The following WASHC4 variants were observed in gnomAD, a reference collection of about 807,000 sequenced individuals.
WASHC4 encodes the protein WASH complex subunit 7.
A neutral mutation model predicts 166.6 loss-of-function variants in WASHC4; 86 were observed. The observed-to-expected ratio is 0.52, with a 90% CI of 0.43 to 0.62. The LOEUF (loss-of-function observed/expected upper bound fraction) is 0.62, where lower values mean the gene tolerates loss of function less well. Among genes scored for constraint, WASHC4 ranks in the 20% least tolerant of loss-of-function variants. The probability of loss-of-function intolerance (pLI) is 0.00; values close to 1 mark genes in which losing one functional copy is unlikely to be tolerated. For synonymous variants in WASHC4, 446 were observed against 451.6 expected (o/e 0.99, Z 0.16); for missense variants, 1,262 against 1,382.4 (o/e 0.91, Z 1.38).
At chr12:105,135,643 T>A (rs1882248720) in intron 14 of WASHC4, among the ~76,000 whole-genome samples, 2 of 152,028 alleles carry the variant, frequency 1.3e-5, no homozygotes, top group South Asian at 4.1e-4. Context: ...TCTTCGAGCA[T>A]TATTTCTTTT....
intron 19 of WASHC4, among the ~76,000 whole-genome samples, chr12:105,142,919 A>G (rs1384650468): frequency 6.6e-6 from 1 of 152,084 alleles, no homozygotes; most frequent in East Asian, 1.9e-4. Flanking sequence ...AAGATAGGAA[A>G]GGACTAGCGA....
rs373448854 is a variant in WASHC4 at position 105,137,836 on chromosome 12, T to C, written c.1327-50T>C. The C allele has an allele frequency of 1.8e-5, 27 of 1,511,762 alleles. No individual in the cohort carries two copies. The South Asian group carries it at 2.6e-4, about 15-fold the overall frequency. 93.6% of individuals were successfully genotyped at this position (1,511,762 alleles called of 1,614,324 possible). A position where few individuals can be genotyped will look rare whatever the true frequency, so the allele number is the denominator to read the frequency against. ...AGCTGCTGTTAAATAGATAATGAAA[T>C]CTTGAAGAAAATCTTTCCTTGTGAT... On this transcript the variant is annotated intron_variant, in intron 14 of 32. Transcript: ENST00000332180.
chr12:105,153,017 A>G (rs928848464), intron 26 of WASHC4, among the ~76,000 whole-genome samples: 2 of 152,192 alleles, frequency 1.3e-5, no homozygotes, highest in African/African-American at 4.8e-5. Context: ...CACATACATT[A>G]TATGTTCACA....
Position 105,167,034 on chromosome 12 carries a change from C to T in WASHC4, c.*103C>T. ...TGATGAATTGTTTCCTGGGTCACAT[C>T]TCTGGAAAATAGATGTTACAGTTCT... is the stretch of plus-strand genomic sequence containing the variant. On this transcript the variant is annotated 3_prime_UTR_variant, in exon 33 of 33. Coordinates refer to ENST00000332180, the MANE Select transcript of WASHC4 (RefSeq NM_015275.3). The T allele has an allele frequency of 6.1e-6, 5 of 813,096 alleles. No homozygotes were observed. Among genetic ancestry groups the T allele is most frequent in the Non-Finnish European group, 1.1e-5 (5 of 468,866 alleles). 50.4% of individuals were successfully genotyped at this position (813,096 alleles called of 1,614,324 possible). A position where few individuals can be genotyped will look rare whatever the true frequency, so the allele number is the denominator to read the frequency against.
intron 25 of WASHC4, among the ~76,000 whole-genome samples, chr12:105,150,468 T>C (rs1430793760): frequency 6.6e-6 from 1 of 152,206 alleles, no homozygotes; most frequent in Non-Finnish European, 1.5e-5. Flanking sequence ...TCACTATTGA[T>C]ATTCCCACTG....
chr12:105,141,515 G>A (rs554882952), intron 18 of WASHC4, among the ~76,000 whole-genome samples: 1 of 152,298 alleles, frequency 6.6e-6, no homozygotes, highest in Non-Finnish European at 1.5e-5. Flanking sequence ...GATGCATATC[G>A]TGATTATTAT....
At chr12:105,151,066 A>T (rs112708273) in intron 25 of WASHC4, among the ~76,000 whole-genome samples, 129 of 148,430 alleles carry the variant, frequency 8.7e-4, no homozygotes, top group African/African-American at 3.1e-3. Context: ...AATCACTTGA[A>T]CCTAGGAGGT....
At chr12:105,136,009 T>TG (rs2135779012) in intron 14 of WASHC4, among the ~76,000 whole-genome samples, 1 of 152,284 alleles carries the variant, frequency 6.6e-6, no homozygotes, top group Non-Finnish European at 1.5e-5. Context: ...TTTGTATTTG[T>TG]ATTTGTATTT....
intron 6 of WASHC4, 134 bp downstream of exon 6, chr12:105,115,862 A>G: frequency 1.5e-6 from 1 of 688,442 alleles, no homozygotes. Context: ...TTAGCATTGG[A>G]TTATAGTTTA....
intron 6 of WASHC4, among the ~76,000 whole-genome samples, chr12:105,116,347 G>A (rs1880179576): frequency 6.6e-6 from 1 of 152,158 alleles, no homozygotes; most frequent in African/African-American, 2.4e-5. Context: ...AATTAGGCAT[G>A]CTAACATACT....
intron 2 of WASHC4, among the ~76,000 whole-genome samples, chr12:105,111,776 T>G (rs2135718725): frequency 6.6e-6 from 1 of 152,342 alleles, no homozygotes; most frequent in East Asian, 1.9e-4. Flanking sequence ...AATATTTCTT[T>G]TATCTTTAAA....
intron 30 of WASHC4, 71 bp downstream of exon 30, chr12:105,162,916 T>C: frequency 1.3e-6 from 1 of 776,172 alleles, no homozygotes; most frequent in Non-Finnish European, 2.2e-6. Context: ...AAACATCTGC[T>C]TGAGAATAGG....
chr12:105,126,169 G>C, intron 11 of WASHC4, 42 bp downstream of exon 11: 2 of 1,612,516 alleles, frequency 1.2e-6, no homozygotes, highest in Non-Finnish European at 1.7e-6. Context: ...TATAAAATTT[G>C]CATTTCCTTA....
At chr12:105,137,863 A>G (rs943083252) in intron 14 of WASHC4, 23 bp from the exon 15 acceptor site, 1 of 1,585,240 alleles carries the variant, frequency 6.3e-7, no homozygotes, top group Admixed American at 1.7e-5. Flanking sequence ...CCTTGTGATT[A>G]TAATCAATGT....
chr12:105,149,128 GTA>G, intron 24 of WASHC4: 1 of 985,402 alleles, frequency 1.0e-6, no homozygotes, highest in Non-Finnish European at 1.2e-6. Flanking sequence ...TGCCTTGTGT[GTA>G]AGAGGTGATT....
At chr12:105,128,680 T>G (rs1394380733) in intron 13 of WASHC4, among the ~76,000 whole-genome samples, 2 of 152,158 alleles carry the variant, frequency 1.3e-5, no homozygotes, top group African/African-American at 4.8e-5. Context: ...TATTCCAAGA[T>G]CTGAAATACT....
At chr12:105,111,422 C>A (rs914844624) in intron 2 of WASHC4, among the ~76,000 whole-genome samples, 158 bp downstream of exon 2, 1 of 152,104 alleles carries the variant, frequency 6.6e-6, no homozygotes, top group Non-Finnish European at 1.5e-5. Context: ...CTAAGCCATG[C>A]AGATGTTTTT....
At chr12:105,108,983 A>T in intron 1 of WASHC4, among the ~76,000 whole-genome samples, 1 of 152,200 alleles carries the variant, frequency 6.6e-6, no homozygotes, top group East Asian at 1.9e-4. Context: ...CTACTAAAAA[A>T]TAAATAGCTG....
rs757670621 is a variant in WASHC4, at chr12:105,142,508, A to G, written c.1843A>G (p.Ile615Val). 6 of 1,609,660 alleles carry G rather than the reference A, an allele frequency of 3.7e-6. No individual in the cohort carries two copies. The highest frequency in any genetic ancestry group is 1.3e-5 in the African/African-American group (1 of 74,834). ...FLYWHRAVFP[I>V]YLDDVYENAV... ...ATACTGGCATCGAGCTGTCTTCCCAATTTATTTAGATGATGTATATGAAAA... is the reference window on the plus strand; with the variant it reads ...ATACTGGCATCGAGCTGTCTTCCCAGTTTATTTAGATGATGTATATGAAAA... The change falls in exon 19 of 33, where the codon ATT (isoleucine) becomes GTT (valine). Residue 615 changes from isoleucine to valine, a missense_variant. Ile to Val is a conservative substitution (Grantham distance 29). Transcript: ENST00000332180.
Sources: gnomAD v4.1 joint callset for allele counts (sites outside exome capture counted in the v4.1 genomes callset) on GRCh38, gnomAD v4.1.1 for gene constraint, MANE v1.5 for transcripts, NCBI Gene and HGNC (gene_info 2026-07-23, HGNC 2026-07-21) for gene names.